Variants in SDCCAG8 observed in about 807,000 individuals in gnomAD.
The protein encoded by SDCCAG8 is serologically defined colon cancer antigen 8.
In SDCCAG8, 74 loss-of-function variants were observed where a neutral mutation model predicts 101.8. That is an observed-to-expected ratio of 0.73 (90% confidence interval 0.60 to 0.88). The LOEUF (loss-of-function observed/expected upper bound fraction) is 0.88. Ranked by LOEUF, SDCCAG8 falls within the 40% of genes least tolerant of loss-of-function variation. SDCCAG8 has a pLI of 0.00. For synonymous variants in SDCCAG8, 281 were observed against 292.9 expected, an observed-to-expected ratio of 0.96 and a Z score of 0.41; for missense variants, 787 against 822.6, an observed-to-expected ratio of 0.96 and a Z score of 0.53.
intron 6 of SDCCAG8, chr1:243,293,433 G>T: frequency 1.5e-6 from 1 of 678,844 alleles, no homozygotes. Flanking sequence ...AAGTCTGGAC[G>T]TATTAAACAA....
intron 16 of SDCCAG8, among the ~76,000 whole-genome samples, chr1:243,429,386 A>G (rs2148051883): frequency 6.6e-6 from 1 of 151,964 alleles, no homozygotes; most frequent in African/African-American, 2.4e-5. Flanking sequence ...GGCTGTTGGT[A>G]GTTGAATTTG....
chr1:243,359,385 A>G (rs1256336856), intron 12 of SDCCAG8, among the ~76,000 whole-genome samples: 1 of 152,226 alleles, frequency 6.6e-6, no homozygotes, highest in Non-Finnish European at 1.5e-5. Context: ...ACTAAAAACT[A>G]TTCAATTGTA....
At chr1:243,459,313 T>C (rs147466251) in intron 16 of SDCCAG8, among the ~76,000 whole-genome samples, 1 of 152,334 alleles carries the variant, frequency 6.6e-6, no homozygotes, top group East Asian at 1.9e-4. Context: ...TTTGCCTGAC[T>C]CGAAAGCTTG....
intron 17 of SDCCAG8, among the ~76,000 whole-genome samples, chr1:243,495,207 C>T (rs778930917): frequency 3.3e-5 from 5 of 152,224 alleles, no homozygotes; most frequent in East Asian, 1.9e-4. Context: ...GCCTCCACCC[C>T]GGCCTCATGT....
intron 17 of SDCCAG8, among the ~76,000 whole-genome samples, chr1:243,499,360 T>C (rs1373020106): frequency 6.6e-6 from 1 of 152,266 alleles, no homozygotes; most frequent in Non-Finnish European, 1.5e-5. Flanking sequence ...GCCTACACCC[T>C]GTTTTTGTTC....
At chr1:243,424,120 G>A (rs1320280034) in intron 15 of SDCCAG8, among the ~76,000 whole-genome samples, 1 of 152,016 alleles carries the variant, frequency 6.6e-6, no homozygotes, top group African/African-American at 2.4e-5. Flanking sequence ...AATTTTGATG[G>A]AGAGTGCAGT....
At chr1:243,257,510 G>A (rs898285722) in intron 1 of SDCCAG8, among the ~76,000 whole-genome samples, 9 of 151,906 alleles carry the variant, frequency 5.9e-5, no homozygotes, top group African/African-American at 2.2e-4. Flanking sequence ...ATGATAGAAA[G>A]TAAGGGTAAA....
At chr1:243,286,145 A>G (rs1441257077) in intron 4 of SDCCAG8, 127 bp from the exon 5 acceptor site, 1 of 1,011,960 alleles carries the variant, frequency 9.9e-7, no homozygotes, top group Non-Finnish European at 1.5e-6. Context: ...GTCTAAACAT[A>G]TAATTATATT....
At chr1:243,367,655 G>A (rs2077059334) in intron 12 of SDCCAG8, among the ~76,000 whole-genome samples, 1 of 151,318 alleles carries the variant, frequency 6.6e-6, no homozygotes, top group South Asian at 2.1e-4. Flanking sequence ...TGGTACTTTT[G>A]TTTACTAATG....
chr1:243,443,775 C>T (rs958395406), intron 16 of SDCCAG8, among the ~76,000 whole-genome samples: 1 of 152,082 alleles, frequency 6.6e-6, no homozygotes, highest in African/African-American at 2.4e-5. Flanking sequence ...GAATAGAAAC[C>T]GGATGTTTAA....
At chr1:243,421,921 C>CCCCA (rs2081035052) in intron 15 of SDCCAG8, among the ~76,000 whole-genome samples, 1 of 152,164 alleles carries the variant, frequency 6.6e-6, no homozygotes, top group South Asian at 2.1e-4. Flanking sequence ...TGTTCTCTCT[C>CCCCA]CCCACGCGCT....
At chr1:243,382,764 T>C (rs978824971) in intron 13 of SDCCAG8, among the ~76,000 whole-genome samples, 13 of 152,150 alleles carry the variant, frequency 8.5e-5, no homozygotes, top group African/African-American at 3.1e-4. Flanking sequence ...AGCACCATAG[T>C]CCAGGGGGAG....
At chr1:243,489,957 C>T (rs116541918) in intron 17 of SDCCAG8, among the ~76,000 whole-genome samples, 1 of 152,140 alleles carries the variant, frequency 6.6e-6, no homozygotes, top group Non-Finnish European at 1.5e-5. Flanking sequence ...CATTTTGCCC[C>T]GTCAAGCAGT....
chr1:243,283,723 T>A (rs1461833972), intron 4 of SDCCAG8, among the ~76,000 whole-genome samples: 2 of 152,096 alleles, frequency 1.3e-5, no homozygotes, highest in East Asian at 3.9e-4. Context: ...GACCTTAACA[T>A]AGTAATCATA....
chr1:243,497,361 A>T (rs1668249768), intron 17 of SDCCAG8, among the ~76,000 whole-genome samples: 1 of 147,538 alleles, frequency 6.8e-6, no homozygotes, highest in East Asian at 2.0e-4. Context: ...TTGAGCAGTG[A>T]ACGGTAAGTT....
chr1:243,310,626 A>G (rs2072630792), intron 8 of SDCCAG8, among the ~76,000 whole-genome samples: 1 of 152,184 alleles, frequency 6.6e-6, no homozygotes, highest in African/African-American at 2.4e-5. Context: ...TCATAAGGGA[A>G]AAAAAGATAC....
At chr1:243,378,426 ATTAC>A (rs1304141818) in intron 12 of SDCCAG8, among the ~76,000 whole-genome samples, 1 of 152,148 alleles carries the variant, frequency 6.6e-6, no homozygotes, top group Non-Finnish European at 1.5e-5. Flanking sequence ...TTAAGTAAAT[ATTAC>A]TTTTTAAAGG....
chr1:243,477,990 A>G (rs1662760641), intron 16 of SDCCAG8, among the ~76,000 whole-genome samples: 2 of 152,236 alleles, frequency 1.3e-5, no homozygotes, highest in Non-Finnish European at 2.9e-5. Context: ...CCACAAAACC[A>G]TTAGTCTACA....
chr1:243,469,352 T>G (rs1660773759), intron 16 of SDCCAG8, among the ~76,000 whole-genome samples: 1 of 152,156 alleles, frequency 6.6e-6, no homozygotes, highest in Admixed American at 6.5e-5. Context: ...ACAAAAGATA[T>G]TTGTACCACT....
Sources: allele counts gnomAD v4.1 joint callset (sites outside exome capture counted in the v4.1 genomes callset), GRCh38; gene constraint gnomAD v4.1.1; transcripts MANE v1.5; gene names NCBI Gene and HGNC (gene_info 2026-07-23, HGNC 2026-07-21).